The following TENM2 variants were observed in gnomAD, a reference collection of about 807,000 sequenced individuals.
The protein encoded by TENM2 is teneurin transmembrane protein 2.
TENM2 carries 52 observed loss-of-function variants against 245.2 expected under a neutral mutation model. That is an observed-to-expected ratio of 0.21 (90% CI 0.17 to 0.27). The LOEUF is 0.27. Ranked by LOEUF, TENM2 falls within the 10% of genes least tolerant of loss-of-function variation. The pLI is 1.00. For missense variants in TENM2, 3,046 were observed against 3,666.8 expected (o/e 0.83, Z 4.37); for synonymous variants, 1,363 against 1,438.9 (o/e 0.95, Z 1.19).
chr5:166,997,301 A>G, the TENM2 span, among the ~76,000 whole-genome samples: 1 of 152,232 alleles, frequency 6.6e-6, no homozygotes, highest in Non-Finnish European at 1.5e-5. Flanking sequence ...AGCACTTTAC[A>G]TATATTATAT....
chr5:167,292,155 C>T (rs1327785049), intron 1 of TENM2, among the ~76,000 whole-genome samples: 2 of 152,156 alleles, frequency 1.3e-5, no homozygotes, highest in Non-Finnish European at 2.9e-5. Flanking sequence ...CCTCCCATCA[C>T]ACATGGGGAT....
chr5:167,313,754 C>A (rs1444522619), intron 1 of TENM2, among the ~76,000 whole-genome samples: 2 of 152,282 alleles, frequency 1.3e-5, no homozygotes, highest in Middle Eastern at 3.4e-3. Flanking sequence ...AGACTCAGTT[C>A]TTGCTCTTCA....
chr5:167,956,474 G>T (rs992662541), intron 4 of TENM2, among the ~76,000 whole-genome samples: 1 of 152,064 alleles, frequency 6.6e-6, no homozygotes, highest in East Asian at 1.9e-4. Context: ...TCTTTCTCTT[G>T]CCTGATTTCC....
chr5:167,906,605 T>A (rs779576159), intron 3 of TENM2, among the ~76,000 whole-genome samples: 7 of 152,004 alleles, frequency 4.6e-5, no homozygotes, highest in Admixed American at 6.6e-5. Context: ...GGCTTAAGAG[T>A]CAGGATCTTG....
At chr5:167,010,745 C>A in the TENM2 span, among the ~76,000 whole-genome samples, 1 of 152,026 alleles carries the variant, frequency 6.6e-6, no homozygotes, top group African/African-American at 2.4e-5. Context: ...AATTTTAATT[C>A]TATTTTTTGT....
chr5:167,097,236 G>A, the TENM2 span, among the ~76,000 whole-genome samples: 1 of 152,154 alleles, frequency 6.6e-6, no homozygotes, highest in Non-Finnish European at 1.5e-5. Context: ...AGTGCATTCT[G>A]TGCGGGTTGA....
chr5:167,762,524 T>C, intron 2 of TENM2, among the ~76,000 whole-genome samples: 1 of 152,266 alleles, frequency 6.6e-6, no homozygotes. Flanking sequence ...GGTGCTCCAG[T>C]CTGCAGTGCT....
At chr5:167,641,825 A>G (rs1344362372) in intron 2 of TENM2, among the ~76,000 whole-genome samples, 1 of 152,128 alleles carries the variant, frequency 6.6e-6, no homozygotes, top group Non-Finnish European at 1.5e-5. Flanking sequence ...GGACCCACTA[A>G]CATACCACCA....
exon 3 of TENM2, chr5:167,876,010 C>T (rs1361806784): frequency 6.4e-6 from 10 of 1,551,418 alleles, no homozygotes; most frequent in African/African-American, 1.4e-5. Flanking sequence ...CCTACATCCT[C>T]GCCTAGTCTC....
intron 7 of TENM2, among the ~76,000 whole-genome samples, chr5:168,073,617 A>T (rs1791214560): frequency 1.3e-5 from 2 of 152,252 alleles, no homozygotes; most frequent in Non-Finnish European, 2.9e-5. Context: ...GCATATTTGC[A>T]GCTGTGTACA....
chr5:167,554,818 T>G lies in TENM2; in HGVS notation c.502+179345T>G, dbSNP rs543952580. 4.6e-5 allele frequency among the ~76,000 whole-genome samples: 7 copies of G among 152,116 alleles called. No individual in the cohort carries two copies. The South Asian group carries it at 1.5e-3, about 32-fold the overall frequency. On this transcript the variant is annotated intron_variant, in intron 2 of 28. Transcript: ENST00000518659. ...CAAGAGGGTGGCAAAGATAAGAAAC[T>G]CAAGAGCAGCTGTTTACTTTCAAAG...
At chr5:167,762,102 G>A (rs1762709980) in intron 2 of TENM2, among the ~76,000 whole-genome samples, 1 of 152,144 alleles carries the variant, frequency 6.6e-6, no homozygotes, top group Non-Finnish European at 1.5e-5. Context: ...AAAAATCAAA[G>A]TGAAGTGACT....
chr5:167,753,736 G>A (rs954926079), intron 2 of TENM2, among the ~76,000 whole-genome samples: 31 of 152,168 alleles, frequency 2.0e-4, no homozygotes, highest in African/African-American at 7.5e-4. Context: ...ATGCTGACAT[G>A]TTGCCTTCAG....
intron 1 of TENM2, among the ~76,000 whole-genome samples, chr5:167,337,544 G>C (rs1455960161): frequency 6.6e-6 from 1 of 152,206 alleles, no homozygotes; most frequent in Non-Finnish European, 1.5e-5. Context: ...ATTTGGGAAT[G>C]TAAAGGGGGA....
the TENM2 span, among the ~76,000 whole-genome samples, chr5:167,014,800 G>T: frequency 7.2e-5 from 11 of 152,250 alleles, no homozygotes; most frequent in African/African-American, 2.4e-4. Flanking sequence ...TCAGAGACCG[G>T]GGTGAAACCA....
At chr5:167,819,975 A>G (rs778070069) in intron 2 of TENM2, among the ~76,000 whole-genome samples, 8 of 152,180 alleles carry the variant, frequency 5.3e-5, no homozygotes, top group Non-Finnish European at 8.8e-5. Flanking sequence ...CCATGAATTC[A>G]TCAAAATGTT....
the TENM2 span, among the ~76,000 whole-genome samples, chr5:167,245,296 TC>T: frequency 6.6e-6 from 1 of 152,178 alleles, no homozygotes; most frequent in African/African-American, 2.4e-5. Flanking sequence ...CGGTAGCTCT[TC>T]CCACTAGCTA....
At chr5:167,280,214 A>G (rs1052738867), upstream of TENM2, among the ~76,000 whole-genome samples, 3 of 152,198 alleles carry the variant, frequency 2.0e-5, no homozygotes, top group Admixed American at 1.3e-4. Flanking sequence ...ACGCAGTGAT[A>G]CCTCTCTGGG....
At chr5:168,147,382 G>A (rs139680680) in intron 12 of TENM2, among the ~76,000 whole-genome samples, 9 of 152,250 alleles carry the variant, frequency 5.9e-5, no homozygotes, top group South Asian at 2.1e-4. Flanking sequence ...TATTTTGCAC[G>A]GACGTTTAAT....
Sources: allele counts gnomAD v4.1 joint callset (sites outside exome capture counted in the v4.1 genomes callset), GRCh38; gene constraint gnomAD v4.1.1; transcripts MANE v1.5; gene names NCBI Gene and HGNC (gene_info 2026-07-23, HGNC 2026-07-21).